The following CRELD1 variants were observed in gnomAD, a reference collection of about 807,000 sequenced individuals.
CRELD1 encodes protein disulfide isomerase CRELD1.
CRELD1 carries 42 observed loss-of-function variants against 58.2 expected under a neutral mutation model. The observed-to-expected ratio is 0.72, with a 90% CI of 0.56 to 0.93. The LOEUF is 0.93. Ranked by LOEUF, CRELD1 falls within the 40% of genes least tolerant of loss-of-function variation. The pLI is 0.00. For synonymous variants in CRELD1, 222 were observed against 202.0 expected, an observed-to-expected ratio of 1.10 and a Z score of -0.84; for missense variants, 500 against 540.6, an observed-to-expected ratio of 0.92 and a Z score of 0.74.
chr3:9,937,204 C>T (rs1210098325), intron 3 of CRELD1, among the ~76,000 whole-genome samples: 1 of 152,164 alleles, frequency 6.6e-6, no homozygotes, highest in African/African-American at 2.4e-5. Context: ...CACATCCCTG[C>T]CAACACTTGT....
rs1374165893 is a variant in CRELD1, at chr3:9,944,628, G to A, written c.*49G>A. On this transcript the variant is annotated 3_prime_UTR_variant, in exon 11 of 11. Coordinates refer to ENST00000452070, the MANE Select transcript of CRELD1 (RefSeq NM_001077415.3). ...TCCTCCCACCCACGCTGCCCCCAGA[G>A]CTTGGGCTGCCCTCCTGCTGGACAC... 4.0e-6 allele frequency: 6 copies of A among 1,506,008 alleles called. No homozygotes were observed. In the Admixed American group the frequency reaches 9.6e-5, roughly 24 times the overall value. The allele number at this position is 1,506,008 out of a possible 1,614,324, so 93.3% of individuals were successfully genotyped here.
intron 10 of CRELD1, chr3:9,943,875 C>T (rs201333566): frequency 5.0e-6 from 8 of 1,612,954 alleles, no homozygotes; most frequent in Non-Finnish European, 5.9e-6. Context: ...ATTTCCCCAG[C>T]AATTACTGTG....
intron 10 of CRELD1, 95 bp downstream of exon 10, chr3:9,943,610 C>A: frequency 6.3e-7 from 1 of 1,598,302 alleles, no homozygotes; most frequent in Admixed American, 1.7e-5. Context: ...GGCCCTGCCC[C>A]ATCCCTACTG....
intron 4 of CRELD1, 151 bp downstream of exon 4, chr3:9,937,823 G>A (rs2085238157): frequency 1.3e-6 from 1 of 770,386 alleles, no homozygotes; most frequent in Non-Finnish European, 2.3e-6. Context: ...CTTGCCGGGG[G>A]ACTTGCGCTC....
chr3:9,937,966 C>A (rs759870598), intron 4 of CRELD1, 49 bp from the exon 5 acceptor site: 1 of 1,323,958 alleles, frequency 7.6e-7, no homozygotes, highest in Non-Finnish European at 1.1e-6. Flanking sequence ...ACTTATGACA[C>A]TATCTCAGCA....
intron 5 of CRELD1, among the ~76,000 whole-genome samples, chr3:9,938,976 T>A (rs909241688): frequency 1.3e-5 from 2 of 151,430 alleles, no homozygotes; most frequent in Non-Finnish European, 2.9e-5. Flanking sequence ...GCCTGGGTAG[T>A]AGAGCAAGAC....
At chr3:9,943,876 A>C in intron 10 of CRELD1, 5 of 1,613,150 alleles carry the variant, frequency 3.1e-6, no homozygotes, top group Non-Finnish European at 4.2e-6. Flanking sequence ...TTTCCCCAGC[A>C]ATTACTGTGT....
chr3:9,935,011 T>C (rs191866912), intron 3 of CRELD1, 94 bp downstream of exon 3: 14 of 1,051,020 alleles, frequency 1.3e-5, no homozygotes, highest in East Asian at 2.6e-5. Context: ...GGAGCACTTA[T>C]TCATTCAACA....
intron 4 of CRELD1, 49 bp from the exon 5 acceptor site, chr3:9,937,966 C>CT (rs1163679666): frequency 7.6e-7 from 1 of 1,323,840 alleles, no homozygotes; most frequent in Non-Finnish European, 1.1e-6. Context: ...ACTTATGACA[C>CT]TATCTCAGCA....
rs761887104 is a variant in CRELD1, at chr3:9,942,888, A to T, written c.809A>T (p.Glu270Val). Reference sequence around the variant, plus strand: ...TGCGTGAACACTGAGGGCTCCTATGAGTGCCGAGGTCAGTGTCTACTTCTG... The same window carrying T: ...TGCGTGAACACTGAGGGCTCCTATGTGTGCCGAGGTCAGTGTCTACTTCTG... The part of the protein sequence containing the change: ...QFCVNTEGSY[E>V]CRDCAKACLG... Residue 270 changes from glutamate to valine, a missense_variant, in exon 8 of 11, where the codon GAG (glutamate) becomes GTG (valine). Transcript: ENST00000452070. 1.2e-6 allele frequency: 2 copies of T among 1,613,898 alleles called. No individual in the cohort carries two copies. The highest frequency in any genetic ancestry group is 2.7e-5 in the African/African-American group (2 of 74,916).
At chr3:9,937,816 G>T in intron 4 of CRELD1, 144 bp downstream of exon 4, 1 of 777,064 alleles carries the variant, frequency 1.3e-6, no homozygotes, top group Non-Finnish European at 2.2e-6. Context: ...CTAAGAACTT[G>T]CCGGGGGACT....
At chr3:9,937,807 T>C (rs1575638401) in intron 4 of CRELD1, 135 bp downstream of exon 4, 1 of 787,672 alleles carries the variant, frequency 1.3e-6, no homozygotes, top group East Asian at 2.7e-5. Context: ...CCAGGTCTGC[T>C]AAGAACTTGC....
At chr3:9,934,694 A>G in intron 2 of CRELD1, 82 bp downstream of exon 2, 1 of 1,558,694 alleles carries the variant, frequency 6.4e-7, no homozygotes, top group Non-Finnish European at 8.8e-7. Flanking sequence ...GCGTGGATTT[A>G]AGTTTCATCT....
At chr3:9,943,336 G>C in intron 9 of CRELD1, 45 bp from the exon 10 acceptor site, 1 of 1,613,600 alleles carries the variant, frequency 6.2e-7, no homozygotes, top group Non-Finnish European at 8.5e-7. Flanking sequence ...TCAGGGTGCT[G>C]GGTGGGGGGC....
chr3:9,934,396 C>T, intron 1 of CRELD1, 24 bp from the exon 2 acceptor site: 1 of 1,566,766 alleles, frequency 6.4e-7, no homozygotes, highest in Non-Finnish European at 8.8e-7. Flanking sequence ...TTCAGTGAAG[C>T]CTCTCCACGC....
At chr3:9,941,270 C>G in intron 7 of CRELD1, 64 bp downstream of exon 7, 1 of 1,428,262 alleles carries the variant, frequency 7.0e-7, no homozygotes, top group Non-Finnish European at 9.7e-7. Context: ...CCTTTATTCT[C>G]TCAACACAAG....
chr3:9,944,009 G>A (rs756629642), intron 10 of CRELD1: 2 of 947,514 alleles, frequency 2.1e-6, no homozygotes, highest in South Asian at 1.3e-5. Context: ...GAGAGATGAA[G>A]CTACTTTCCC....
At position 9,940,308 on chromosome 3, in the gene CRELD1, A is replaced by G. The variant is rs867228598; in HGVS notation, c.461-542A>G. ...TGCAATCTCGGCACTTTGGGAGGCC[A>G]AGGCAGGCGGCTGGGAGGTGGAGGT... On this transcript the variant is annotated intron_variant, in intron 5 of 10. Transcript: ENST00000452070. Among the ~76,000 whole-genome samples the G allele has an allele frequency of 6.2e-3, 945 of 152,228 alleles. 17 individuals carry two copies. The highest frequency in any genetic ancestry group is 0.021 in the African/African-American group (858 of 41,538).
At chr3:9,935,510 G>T (rs2085166591) in intron 3 of CRELD1, among the ~76,000 whole-genome samples, 1 of 152,202 alleles carries the variant, frequency 6.6e-6, no homozygotes, top group African/African-American at 2.4e-5. Flanking sequence ...TAAGGGGCAA[G>T]GGCGGAGGAA....
Sources: allele counts gnomAD v4.1 joint callset (sites outside exome capture counted in the v4.1 genomes callset), GRCh38; gene constraint gnomAD v4.1.1; transcripts MANE v1.5; gene names NCBI Gene and HGNC (gene_info 2026-07-23, HGNC 2026-07-21).